Variants in CERS6 observed in about 807,000 individuals in gnomAD.
CERS6 encodes ceramide synthase 6.
Under a neutral mutation model 56.8 loss-of-function variants are expected in CERS6, and 26 were observed. The observed-to-expected ratio is 0.46, with a 90% CI of 0.34 to 0.63. The LOEUF is 0.63. Among genes scored for constraint, CERS6 ranks in the 30% least tolerant of loss-of-function variants. The probability of loss-of-function intolerance (pLI) is 0.01; values close to 1 mark genes in which losing one functional copy is unlikely to be tolerated. For synonymous variants in CERS6, 164 were observed against 173.3 expected (o/e 0.95, Z 0.42); for missense variants, 415 against 467.5 (o/e 0.89, Z 1.04).
chr2:168,535,399 C>T (rs553641576), intron 1 of CERS6, among the ~76,000 whole-genome samples: 37 of 152,252 alleles, frequency 2.4e-4, no homozygotes, highest in African/African-American at 8.2e-4. Flanking sequence ...GGCACGGATT[C>T]CCTGGCTGGG....
At chr2:168,517,633 C>T (rs1694907839) in intron 1 of CERS6, among the ~76,000 whole-genome samples, 1 of 152,014 alleles carries the variant, frequency 6.6e-6, no homozygotes, top group South Asian at 2.1e-4. Context: ...TTTAATGCCT[C>T]TTGGTTTTGG....
chr2:168,500,148 C>G (rs550332136), intron 1 of CERS6, among the ~76,000 whole-genome samples: 1 of 152,176 alleles, frequency 6.6e-6, no homozygotes, highest in Non-Finnish European at 1.5e-5. Flanking sequence ...GCTTCTCTCA[C>G]AAGCTTTCCA....
intron 6 of CERS6, among the ~76,000 whole-genome samples, chr2:168,701,469 A>C (rs1326586193): frequency 6.6e-6 from 1 of 152,208 alleles, no homozygotes; most frequent in Non-Finnish European, 1.5e-5. Flanking sequence ...CTGAGAATGC[A>C]GAAGTAATCA....
At position 168,756,098 on chromosome 2, in the gene CERS6, G is replaced by A. The variant is rs532242911; in HGVS notation, c.846-9494G>A. ...CCTACAATGGAAATGAGCAAACCTAGCCCTTCAGGGAGGAGCACACAAATG... is the reference window on the plus strand; with the variant it reads ...CCTACAATGGAAATGAGCAAACCTAACCCTTCAGGGAGGAGCACACAAATG... On this transcript the variant is annotated intron_variant, in intron 8 of 9. Transcript: ENST00000305747. 7.9e-5 allele frequency among the ~76,000 whole-genome samples: 12 copies of A among 152,280 alleles called. No individual in the cohort carries two copies. In the East Asian group the frequency reaches 2.3e-3, roughly 29 times the overall value.
chr2:168,667,661 A>G (rs1319466372), intron 4 of CERS6, among the ~76,000 whole-genome samples: 2 of 152,136 alleles, frequency 1.3e-5, no homozygotes, highest in Non-Finnish European at 2.9e-5. Context: ...CGGAGTCATC[A>G]TTGATTCCTT....
At chr2:168,621,940 G>A (rs1470870) in intron 3 of CERS6, among the ~76,000 whole-genome samples, 2,642 of 152,266 alleles carry the variant, frequency 0.017, 104 homozygotes, top group East Asian at 0.16. Flanking sequence ...GTCATATGAC[G>A]TTTCTAAGTA....
intron 4 of CERS6, among the ~76,000 whole-genome samples, chr2:168,631,799 A>G (rs927175424): frequency 5.0e-4 from 65 of 129,024 alleles, no homozygotes; most frequent in African/African-American, 1.8e-3. Context: ...TATATATAAT[A>G]TATATTATAT....
intron 4 of CERS6, among the ~76,000 whole-genome samples, chr2:168,656,622 T>C (rs1220243192): frequency 6.6e-6 from 1 of 152,138 alleles, no homozygotes; most frequent in Non-Finnish European, 1.5e-5. Flanking sequence ...GGAGTGAAGC[T>C]GCAGATCTTC....
At chr2:168,724,453 T>C (rs7609075) in intron 8 of CERS6, among the ~76,000 whole-genome samples, 8,592 of 152,158 alleles carry the variant, frequency 0.056, 644 homozygotes, top group African/African-American at 0.16. Flanking sequence ...TTTTATTCTC[T>C]TATCTGGCCC....
At chr2:168,531,768 G>A (rs996243803) in intron 1 of CERS6, among the ~76,000 whole-genome samples, 2 of 150,934 alleles carry the variant, frequency 1.3e-5, no homozygotes, top group Non-Finnish European at 3.0e-5. Flanking sequence ...TTGCAGTGAG[G>A]CAGGATCGCT....
At chr2:168,528,541 C>T (rs981669020) in intron 1 of CERS6, among the ~76,000 whole-genome samples, 1 of 152,164 alleles carries the variant, frequency 6.6e-6, no homozygotes, top group African/African-American at 2.4e-5. Context: ...TAGATCCTGA[C>T]CAATACTCTT....
chr2:168,594,294 ATAATGGT>A (rs1269911874), intron 3 of CERS6, among the ~76,000 whole-genome samples: 1 of 152,218 alleles, frequency 6.6e-6, no homozygotes, highest in Non-Finnish European at 1.5e-5. Flanking sequence ...GATACTTGTT[ATAATGGT>A]TAAATTCATT....
intron 1 of CERS6, among the ~76,000 whole-genome samples, chr2:168,493,300 G>A (rs961069170): frequency 6.6e-6 from 1 of 152,060 alleles, no homozygotes; most frequent in South Asian, 2.1e-4. Flanking sequence ...AGTAACTTGT[G>A]AAAACACCTA....
chr2:168,550,079 T>C (rs1024971292), intron 2 of CERS6, among the ~76,000 whole-genome samples: 1 of 152,194 alleles, frequency 6.6e-6, no homozygotes, highest in Non-Finnish European at 1.5e-5. Context: ...GGACCCCTTG[T>C]TCAAAAAGCA....
intron 6 of CERS6, 53 bp downstream of exon 6, chr2:168,695,104 T>C: frequency 7.0e-7 from 1 of 1,437,464 alleles, no homozygotes. Context: ...TTAATGGCCC[T>C]TAGCAGGTGG....
At chr2:168,484,176 T>G (rs1402020220) in intron 1 of CERS6, among the ~76,000 whole-genome samples, 2 of 92,222 alleles carry the variant, frequency 2.2e-5, no homozygotes, top group African/African-American at 9.1e-5. Flanking sequence ...TGTTTTTTTT[T>G]TTTTTTTTTT....
intron 4 of CERS6, among the ~76,000 whole-genome samples, chr2:168,645,110 AAAAAAAATATATAT>A (rs1685148048): frequency 3.4e-5 from 2 of 58,916 alleles, no homozygotes; most frequent in Non-Finnish European, 6.6e-5. Flanking sequence ...AAAAAAAAAA[AAAAAAAATATATAT>A]ATATATATAT....
rs1198647412 is a variant in CERS6, at chr2:168,683,536, C to G, written c.466-7498C>G. Among the ~76,000 whole-genome samples, 3 of 152,170 alleles carry G rather than the reference C, an allele frequency of 2.0e-5. No individual in the cohort carries two copies. In the East Asian group the frequency reaches 5.8e-4, roughly 29 times the overall value. ...TGACTAATTTTGTGCTTCTTAATAG[C>G]CACTGTCACTGGCTTCATTGTCAGA... On this transcript the variant is annotated intron_variant, in intron 4 of 9. Transcript: ENST00000305747.
chr2:168,543,077 A>G (rs560279425), intron 1 of CERS6, among the ~76,000 whole-genome samples: 24 of 152,210 alleles, frequency 1.6e-4, no homozygotes, highest in Non-Finnish European at 3.2e-4. Context: ...TGTTTACCTC[A>G]TGTTTAAAAT....
Sources: allele counts gnomAD v4.1 joint callset (sites outside exome capture counted in the v4.1 genomes callset), GRCh38; gene constraint gnomAD v4.1.1; transcripts MANE v1.5; gene names NCBI Gene and HGNC (gene_info 2026-07-23, HGNC 2026-07-21).